SPOCK1: variants seen among roughly 807,000 people sequenced by gnomAD.
The protein encoded by SPOCK1 is testican-1.
In SPOCK1, 23 loss-of-function variants were observed where a neutral mutation model predicts 55.3. That is an observed-to-expected ratio of 0.42 (90% confidence interval 0.30 to 0.59). The LOEUF is 0.59. Among genes scored for constraint, SPOCK1 ranks in the 20% least tolerant of loss-of-function variants. The pLI, the probability that SPOCK1 is intolerant of heterozygous loss-of-function variation, is 0.22. For synonymous variants in SPOCK1, 226 were observed against 221.0 expected (o/e 1.02, Z -0.20); for missense variants, 499 against 552.5 (o/e 0.90, Z 0.97).
At chr5:137,496,262 C>T (rs1754297437) in intron 2 of SPOCK1, among the ~76,000 whole-genome samples, 1 of 152,178 alleles carries the variant, frequency 6.6e-6, no homozygotes, top group Non-Finnish European at 1.5e-5. Flanking sequence ...GCTTCATCCT[C>T]AGTCAGGTTT....
At chr5:137,178,242 G>T (rs1754894490) in intron 3 of SPOCK1, among the ~76,000 whole-genome samples, 1 of 152,328 alleles carries the variant, frequency 6.6e-6, no homozygotes, top group Middle Eastern at 3.4e-3. Flanking sequence ...AGTTCCATGA[G>T]TGAGGGAAAT....
intron 3 of SPOCK1, among the ~76,000 whole-genome samples, chr5:137,156,436 C>T (rs1274868332): frequency 6.6e-6 from 1 of 152,168 alleles, no homozygotes; most frequent in African/African-American, 2.4e-5. Context: ...AACCCCTCAC[C>T]TTTTGACCTC....
rs74419521 is a variant in SPOCK1 at position 137,291,367 on chromosome 5, G to A, written c.187-24312C>T. Among the ~76,000 whole-genome samples, 351 of 152,280 alleles carry A rather than the reference G, an allele frequency of 2.3e-3. 2 individuals are homozygous for A. The highest frequency in any genetic ancestry group is 8.2e-3 in the African/African-American group (340 of 41,550). On this transcript the variant is annotated intron_variant, in intron 2 of 10. Coordinates refer to ENST00000394945, the MANE Select transcript of SPOCK1 (RefSeq NM_004598.4). ...TGGCCCTATTTGAAAGATGAAAAACGTGAGGCTCAAAAGAGTTAACTTTAC... is the reference window on the plus strand; with the variant it reads ...TGGCCCTATTTGAAAGATGAAAAACATGAGGCTCAAAAGAGTTAACTTTAC...
At chr5:137,416,275 C>T (rs1313005169) in intron 2 of SPOCK1, among the ~76,000 whole-genome samples, 1 of 150,852 alleles carries the variant, frequency 6.6e-6, no homozygotes, top group Admixed American at 6.6e-5. Context: ...GAATTCATCA[C>T]CAGCAGATCC....
intron 6 of SPOCK1, among the ~76,000 whole-genome samples, chr5:137,039,005 C>T (rs1385696294): frequency 6.6e-6 from 1 of 152,074 alleles, no homozygotes; most frequent in Non-Finnish European, 1.5e-5. Context: ...CACAGACCTT[C>T]CTATTGCTAA....
intron 3 of SPOCK1, among the ~76,000 whole-genome samples, chr5:137,257,200 A>G (rs905147115): frequency 6.6e-6 from 1 of 152,236 alleles, no homozygotes; most frequent in South Asian, 2.1e-4. Context: ...GAAACAGCCT[A>G]CTAAAGTAAT....
At chr5:137,013,599 G>A (rs1751394958) in intron 6 of SPOCK1, among the ~76,000 whole-genome samples, 2 of 152,146 alleles carry the variant, frequency 1.3e-5, no homozygotes, top group East Asian at 1.9e-4. Context: ...TCTATGTGTA[G>A]TCCGAATGCC....
At chr5:137,010,197 C>A (rs1751325404) in intron 6 of SPOCK1, among the ~76,000 whole-genome samples, 1 of 152,032 alleles carries the variant, frequency 6.6e-6, no homozygotes, top group South Asian at 2.1e-4. Context: ...CGCCCGAGTT[C>A]CCTGCAGAGT....
intron 3 of SPOCK1, among the ~76,000 whole-genome samples, chr5:137,141,680 C>A (rs777858381): frequency 2.6e-5 from 4 of 152,162 alleles, no homozygotes; most frequent in Admixed American, 2.0e-4. Context: ...TGAATTGGAT[C>A]TTGAAGGATG....
intron 6 of SPOCK1, chr5:136,992,847 A>G (rs971779637): frequency 5.2e-6 from 2 of 383,486 alleles, no homozygotes; most frequent in African/African-American, 4.1e-5. Context: ...CTGTGCTGTG[A>G]AAGCAAGCTG....
chr5:137,028,922 A>G (rs1443190572), intron 6 of SPOCK1, among the ~76,000 whole-genome samples: 1 of 152,196 alleles, frequency 6.6e-6, no homozygotes, highest in Non-Finnish European at 1.5e-5. Context: ...AGGGGCTGGG[A>G]CCTCAGTCCA....
At chr5:137,389,208 C>A (rs572564280) in intron 2 of SPOCK1, among the ~76,000 whole-genome samples, 1 of 152,204 alleles carries the variant, frequency 6.6e-6, no homozygotes, top group Non-Finnish European at 1.5e-5. Context: ...TGGTGTTGCA[C>A]AAGACTACCA....
intron 6 of SPOCK1, among the ~76,000 whole-genome samples, chr5:137,009,473 G>GAT (rs774977114): frequency 6.6e-6 from 1 of 152,172 alleles, no homozygotes; most frequent in African/African-American, 2.4e-5. Flanking sequence ...AAGGTAGAGA[G>GAT]ATAATCTGTA....
intron 2 of SPOCK1, among the ~76,000 whole-genome samples, chr5:137,321,800 C>A (rs1757986752): frequency 6.6e-6 from 1 of 151,934 alleles, no homozygotes; most frequent in Admixed American, 6.6e-5. Flanking sequence ...ATTGCTTGAA[C>A]CCCAGTGGCA....
chr5:137,484,798 A>G (rs1406212817), intron 2 of SPOCK1, among the ~76,000 whole-genome samples: 1 of 152,226 alleles, frequency 6.6e-6, no homozygotes, highest in Non-Finnish European at 1.5e-5. Flanking sequence ...ATTGCCTACC[A>G]TCAGATACCT....
chr5:137,280,484 G>C (rs1368868430), intron 2 of SPOCK1, among the ~76,000 whole-genome samples: 1 of 152,132 alleles, frequency 6.6e-6, no homozygotes, highest in Non-Finnish European at 1.5e-5. Flanking sequence ...AAGAATACAA[G>C]GCAGACTAAA....
Position 136,990,442 on chromosome 5 carries a change from G to A in SPOCK1, c.707-1799C>T, listed in dbSNP as rs112464669. ...TGCTCAATTAAAAAAAAAAAAAAAT[G>A]TTGGGAGACGTTTTCTAGCTATTGT... is the stretch of plus-strand genomic sequence containing the variant. On this transcript the variant is annotated intron_variant, in intron 7 of 10. Transcript: ENST00000394945. 2.9e-3 allele frequency among the ~76,000 whole-genome samples: 432 copies of A among 150,668 alleles called. 3 individuals are homozygous for A. The highest frequency in any genetic ancestry group is 0.01 in the African/African-American group (413 of 40,858).
chr5:137,445,527 A>G (rs1753105859), intron 2 of SPOCK1, among the ~76,000 whole-genome samples: 1 of 152,238 alleles, frequency 6.6e-6, no homozygotes, highest in Non-Finnish European at 1.5e-5. Context: ...CCTGAAGAGT[A>G]TCATACAAGT....
intron 2 of SPOCK1, among the ~76,000 whole-genome samples, chr5:137,335,998 C>T (rs1034711719): frequency 1.3e-5 from 2 of 152,144 alleles, no homozygotes; most frequent in African/African-American, 2.4e-5. Context: ...ACTCACAGAC[C>T]CTAATGATTT....
Sources: gnomAD v4.1 joint callset for allele counts (sites outside exome capture counted in the v4.1 genomes callset) on GRCh38, gnomAD v4.1.1 for gene constraint, MANE v1.5 for transcripts, NCBI Gene and HGNC (gene_info 2026-07-23, HGNC 2026-07-21) for gene names.